The following RNF152 variants were observed in gnomAD, a reference collection of about 807,000 sequenced individuals.
The protein encoded by RNF152 is E3 ubiquitin-protein ligase RNF152.
RNF152 carries 11 observed loss-of-function variants against 12.7 expected under a neutral mutation model. That is an observed-to-expected ratio of 0.86 (90% CI 0.54 to 1.43). The LOEUF (loss-of-function observed/expected upper bound fraction) is 1.43, where lower values mean the gene tolerates loss of function less well. RNF152 is among the 40% of genes most tolerant of loss of function. The pLI is 0.00. For synonymous variants in RNF152, 113 were observed against 120.3 expected (o/e 0.94, Z 0.40); for missense variants, 255 against 274.8 (o/e 0.93, Z 0.51).
chr18:61,853,296 C>CT (rs35190141), intron 1 of RNF152, among the ~76,000 whole-genome samples: 9,608 of 127,490 alleles, frequency 0.075, 479 homozygotes, highest in African/African-American at 0.09. Flanking sequence ...GTTCCTTGCC[C>CT]TTTTTTTTTT....
intron 1 of RNF152, among the ~76,000 whole-genome samples, chr18:61,884,319 T>C (rs752952045): frequency 6.6e-6 from 1 of 152,124 alleles, no homozygotes; most frequent in Non-Finnish European, 1.5e-5. Flanking sequence ...CTTTTTAAAA[T>C]TCCAGTTCAT....
intron 1 of RNF152, among the ~76,000 whole-genome samples, chr18:61,837,209 G>A (rs1910228286): frequency 6.6e-6 from 1 of 152,164 alleles, no homozygotes; most frequent in Non-Finnish European, 1.5e-5. Flanking sequence ...CAATGTCATG[G>A]AAAGGAAAAC....
intron 1 of RNF152, among the ~76,000 whole-genome samples, 177 bp downstream of exon 1, chr18:61,892,618 G>A (rs796510613): frequency 6.6e-6 from 1 of 152,190 alleles, no homozygotes; most frequent in South Asian, 2.1e-4. Flanking sequence ...TCTTCAAAGG[G>A]AAGGTATAAA....
chr18:61,889,636 C>G (rs1328315803), intron 1 of RNF152, among the ~76,000 whole-genome samples: 2 of 152,170 alleles, frequency 1.3e-5, no homozygotes, highest in Non-Finnish European at 2.9e-5. Flanking sequence ...AGTCCTGTGA[C>G]CAGAAAAAGC....
chr18:61,846,588 TCTC>T (rs2144685186), intron 1 of RNF152, among the ~76,000 whole-genome samples: 1 of 152,268 alleles, frequency 6.6e-6, no homozygotes, highest in African/African-American at 2.4e-5. Flanking sequence ...GCAACACTCT[TCTC>T]CTGAGTGATT....
At chr18:61,887,331 A>G (rs527736990) in intron 1 of RNF152, among the ~76,000 whole-genome samples, 1 of 152,362 alleles carries the variant, frequency 6.6e-6, no homozygotes, top group South Asian at 2.1e-4. Context: ...GACCATTGTC[A>G]TAGCCCAGAG....
intron 1 of RNF152, among the ~76,000 whole-genome samples, chr18:61,885,224 C>T (rs182003502): frequency 7.9e-5 from 12 of 152,348 alleles, no homozygotes; most frequent in African/African-American, 2.9e-4. Flanking sequence ...CCCAGAACAA[C>T]ACAACTGCAA....
At chr18:61,835,324 G>C (rs1425182344) in intron 1 of RNF152, among the ~76,000 whole-genome samples, 1 of 152,206 alleles carries the variant, frequency 6.6e-6, no homozygotes, top group East Asian at 1.9e-4. Context: ...GTATGTGTTT[G>C]TAAAACAAGA....
chr18:61,859,909 T>A (rs1014092420), intron 1 of RNF152, among the ~76,000 whole-genome samples: 2 of 141,872 alleles, frequency 1.4e-5, no homozygotes, highest in Non-Finnish European at 2.9e-5. Flanking sequence ...AGAAAAGAAA[T>A]CCTGACCCCT....
At chr18:61,878,101 A>C (rs375018831) in intron 1 of RNF152, among the ~76,000 whole-genome samples, 1 of 152,222 alleles carries the variant, frequency 6.6e-6, no homozygotes, top group South Asian at 2.1e-4. Context: ...TCTGAACTGC[A>C]TCTCATTTCC....
intron 1 of RNF152, among the ~76,000 whole-genome samples, chr18:61,852,066 G>T (rs73458450): frequency 0.013 from 2,023 of 152,212 alleles, 34 homozygotes; most frequent in African/African-American, 0.046. Context: ...CCAGCCAGGG[G>T]GCACATGTGC....
At chr18:61,894,117 G>T (rs973734912), upstream of RNF152, 1 of 152,136 alleles carries the variant, frequency 6.6e-6, no homozygotes, top group African/African-American at 2.4e-5. This position sits in a 1 kb window ranked among gnomAD's most constrained non-coding sequence, Gnocchi z 4.9. Flanking sequence ...TCCGGAGCCG[G>T]CAGAGCAGAG....
intron 1 of RNF152, among the ~76,000 whole-genome samples, chr18:61,837,776 C>T (rs1910256631): frequency 6.6e-6 from 1 of 152,214 alleles, no homozygotes; most frequent in Non-Finnish European, 1.5e-5. Context: ...AATAACGCTT[C>T]CTAACTTAGT....
chr18:61,882,324 G>T (rs1555707596), intron 1 of RNF152, among the ~76,000 whole-genome samples: 1 of 152,194 alleles, frequency 6.6e-6, no homozygotes, highest in African/African-American at 2.4e-5. Context: ...CATTCTGTTT[G>T]CCTATAAAAT....
At chr18:61,862,428 G>T (rs929168685) in intron 1 of RNF152, among the ~76,000 whole-genome samples, 1 of 152,240 alleles carries the variant, frequency 6.6e-6, no homozygotes, top group Non-Finnish European at 1.5e-5. Context: ...GAGGTGAAGA[G>T]CAAGAGGCTT....
rs1912858415 is a variant in RNF152 at position 61,809,560 on chromosome 18, T to G, written c.*6292A>C. On this transcript the variant is annotated 3_prime_UTR_variant, in exon 2 of 2. Coordinates refer to ENST00000312828, the MANE Select transcript of RNF152 (RefSeq NM_173557.3). ...AAGGAGATTACAGAAGACTTTCACA[T>G]GGGCTACTAGCCCTACATCCCATGG... is the stretch of plus-strand genomic sequence containing the variant. 6.6e-6 allele frequency: 1 copy of G among 152,162 alleles called. No individual in the cohort carries two copies. Among genetic ancestry groups the G allele is most frequent in the African/African-American group, 2.4e-5 (1 of 41,432 alleles). The allele number at this position is 152,162 out of a possible 1,614,324, so 9.4% of individuals were successfully genotyped here. A position where few individuals can be genotyped will look rare whatever the true frequency, so the allele number is the denominator to read the frequency against.
At chr18:61,816,739 G>A (rs117541630) in intron 1 of RNF152, 141 bp from the exon 2 acceptor site, 18 of 361,082 alleles carry the variant, frequency 5.0e-5, no homozygotes, top group Middle Eastern at 7.4e-4. Context: ...TGAGACTACA[G>A]GATTCCCATA....
chr18:61,891,912 G>A (rs113443351), intron 1 of RNF152, among the ~76,000 whole-genome samples: 6,747 of 152,272 alleles, frequency 0.044, 216 homozygotes, highest in Middle Eastern at 0.061. Context: ...AAGAAAAATC[G>A]AAAGCCCATT....
chr18:61,868,139 C>T (rs1911822822), intron 1 of RNF152, among the ~76,000 whole-genome samples: 1 of 152,166 alleles, frequency 6.6e-6, no homozygotes, highest in Admixed American at 6.5e-5. Context: ...TCGTAGCCAG[C>T]ACAGGCATTC....
Sources: allele counts gnomAD v4.1 joint callset (sites outside exome capture counted in the v4.1 genomes callset), GRCh38; gene constraint gnomAD v4.1.1; non-coding constraint Gnocchi (gnomAD v3.1); transcripts MANE v1.5; gene names NCBI Gene and HGNC (gene_info 2026-07-23, HGNC 2026-07-21).